The following PIK3C2A variants were observed in gnomAD, a reference collection of about 807,000 sequenced individuals.
The protein encoded by PIK3C2A is phosphatidylinositol 4-phosphate 3-kinase C2 domain-containing subunit alpha.
A neutral mutation model predicts 204.5 loss-of-function variants in PIK3C2A; 97 were observed. The observed-to-expected ratio is 0.47, with a 90% confidence interval of 0.40 to 0.56. The LOEUF (loss-of-function observed/expected upper bound fraction) is 0.56. PIK3C2A is among the 20% of genes least tolerant of loss of function. The probability of loss-of-function intolerance (pLI) is 0.00; values close to 1 mark genes in which losing one functional copy is unlikely to be tolerated. For synonymous variants in PIK3C2A, 653 were observed against 664.4 expected (o/e 0.98, Z 0.26); for missense variants, 1,735 against 1,969.2 (o/e 0.88, Z 2.25).
At chr11:17,092,089 A>G (rs1848327722) in intron 29 of PIK3C2A, 21 bp from the exon 30 acceptor site, 2 of 1,565,282 alleles carry the variant, frequency 1.3e-6, no homozygotes. Context: ...AGAGAAAGCA[A>G]TTCATTAGTT....
chr11:17,111,160 A>T (rs181779195), intron 21 of PIK3C2A, among the ~76,000 whole-genome samples: 2 of 152,186 alleles, frequency 1.3e-5, no homozygotes, highest in East Asian at 3.9e-4. Flanking sequence ...TGCCTGCCTC[A>T]GCCTCCCAAA....
At chr11:17,158,247 CTGAGGCAGGAGAATCACT>C (rs1850662200) in intron 2 of PIK3C2A, among the ~76,000 whole-genome samples, 1 of 151,762 alleles carries the variant, frequency 6.6e-6, no homozygotes, top group Admixed American at 6.6e-5. Context: ...ACTCGGGAGG[CTGAGGCAGGAGAATCACT>C]TGAACCCGGG....
intron 1 of PIK3C2A, among the ~76,000 whole-genome samples, chr11:17,172,546 A>G (rs1368986814): frequency 6.6e-6 from 1 of 152,240 alleles, no homozygotes; most frequent in Non-Finnish European, 1.5e-5. Context: ...TTTTGGAATG[A>G]TTCTGTTACA....
chr11:17,086,880 G>C lies in PIK3C2A; in HGVS notation c.*2858C>G, dbSNP rs1403132322. ...TAAATGTCACAATATTTGAATCCTAGAAAGAATAGGCAACTAATTTAAGGC... is the reference window on the plus strand; with the variant it reads ...TAAATGTCACAATATTTGAATCCTACAAAGAATAGGCAACTAATTTAAGGC... On this transcript the variant is annotated 3_prime_UTR_variant, in exon 33 of 33. Transcript: ENST00000691414. 1 of 152,036 alleles carries C rather than the reference G, an allele frequency of 6.6e-6. No individual in the cohort carries two copies. The highest frequency in any genetic ancestry group is 1.5e-5 in the Non-Finnish European group (1 of 67,994). The allele number at this position is 152,036 out of a possible 1,614,324, so 9.4% of individuals were successfully genotyped here.
intron 5 of PIK3C2A, 108 bp from the exon 6 acceptor site, chr11:17,147,736 C>A: frequency 1.6e-6 from 1 of 618,530 alleles, no homozygotes; most frequent in Non-Finnish European, 2.9e-6. Flanking sequence ...AATGGTGAAA[C>A]AGAGACAGTT....
intron 1 of PIK3C2A, among the ~76,000 whole-genome samples, chr11:17,180,523 A>AC (rs1222393530): frequency 6.2e-5 from 8 of 130,070 alleles, no homozygotes; most frequent in African/African-American, 2.3e-4. Flanking sequence ...AACAACAACA[A>AC]AAAACAAAAA....
At chr11:17,189,633 G>C (rs569021637) in intron 1 of PIK3C2A, among the ~76,000 whole-genome samples, 1 of 127,968 alleles carries the variant, frequency 7.8e-6, no homozygotes, top group South Asian at 2.1e-4. Flanking sequence ...CTACTACCAA[G>C]TTTCAGAATA....
chr11:17,129,414 A>C lies in PIK3C2A; in HGVS notation c.2285T>G (p.Leu762Arg). 6.2e-7 allele frequency: 1 copy of C among 1,611,116 alleles called. No individual in the cohort carries two copies. Among genetic ancestry groups the C allele is most frequent in the South Asian group, 1.1e-5 (1 of 91,002 alleles). The change falls in exon 13 of 33, where the codon CTT (leucine) becomes CGT (arginine). Residue 762 changes from leucine (L) to arginine (R), a missense_variant. This residue lies in a region of PIK3C2A where 567 missense variants were observed against 576.0 expected (regional missense o/e 0.98). Transcript: ENST00000691414. ...CTGATTTAAAATTCCAAAAAGAGTAAGGTGAAGAACTGATTCTAATGGCAA... is the reference window on the plus strand; with the variant it reads ...CTGATTTAAAATTCCAAAAAGAGTACGGTGAAGAACTGATTCTAATGGCAA... The part of the protein sequence containing the change: ...SQLPLESVLH[L>R]TLFGILNQSS...
Position 17,094,261 on chromosome 11 carries a change from C to T in PIK3C2A, c.4451G>A (p.Gly1484Asp), listed in dbSNP as rs1189749033. The change falls in exon 28 of 33, where the codon GGC (glycine) becomes GAC (aspartate). Residue 1484 changes from glycine (G) to aspartate (D), a missense_variant and splice_region_variant. Transcript: ENST00000691414. ...SIIFPLWKLP[G>D]FPNRMVLGRT... ...TTAATGTACAAGGATGAATACATAC[C>T]CTGGTAACTTCCAAAGTGGAAAAAT... 3.1e-6 allele frequency: 5 copies of T among 1,606,746 alleles called. No homozygotes were observed. The East Asian group carries it at 8.9e-5, about 29-fold the overall frequency.
chr11:17,184,020 T>C (rs186449922), intron 1 of PIK3C2A, among the ~76,000 whole-genome samples: 2 of 152,006 alleles, frequency 1.3e-5, no homozygotes, highest in Admixed American at 1.3e-4. Flanking sequence ...TTTGGGAGGC[T>C]GAAGTAGGAC....
chr11:17,118,436 T>C (rs953250887), intron 18 of PIK3C2A, among the ~76,000 whole-genome samples: 2 of 152,180 alleles, frequency 1.3e-5, no homozygotes, highest in African/African-American at 4.8e-5. Context: ...CATTCATTAT[T>C]ACAGAGCTAT....
intron 24 of PIK3C2A, among the ~76,000 whole-genome samples, chr11:17,101,882 C>G (rs899848046): frequency 6.6e-6 from 1 of 151,796 alleles, no homozygotes; most frequent in Non-Finnish European, 1.5e-5. Context: ...GGATTACAGG[C>G]GTGAGCCACT....
intron 4 of PIK3C2A, 100 bp from the exon 5 acceptor site, chr11:17,148,887 T>G: frequency 1.1e-6 from 1 of 909,684 alleles, no homozygotes. Flanking sequence ...AGAAATATAA[T>G]GTAGTCCACA....
chr11:17,195,739 T>C (rs1052118652), intron 1 of PIK3C2A, among the ~76,000 whole-genome samples: 1 of 120,802 alleles, frequency 8.3e-6, no homozygotes, highest in African/African-American at 2.8e-5. Context: ...CAAGACTCTA[T>C]TGCAAAAAAA....
At chr11:17,172,465 TGA>T (rs1851208952) in intron 1 of PIK3C2A, among the ~76,000 whole-genome samples, 1 of 152,130 alleles carries the variant, frequency 6.6e-6, no homozygotes, top group South Asian at 2.1e-4. Flanking sequence ...ACTCCATGAG[TGA>T]CTGAAGGTGA....
In PIK3C2A at chr11:17,100,916, T is replaced by C. The variant is rs80092718; in HGVS notation, c.4008+362A>G. 3.3e-5 allele frequency among the ~76,000 whole-genome samples: 5 copies of C among 152,324 alleles called. No homozygotes were observed. The East Asian group carries it at 7.7e-4, about 24-fold the overall frequency. On this transcript the variant is annotated intron_variant, in intron 25 of 32. Transcript: ENST00000691414. ...TAACGATAATATATACCCAGGAAAG[T>C]ACAGAAATCTTCATTGTACAGCTGA...
chr11:17,144,894 C>CAAAAAAAAAAA (rs35069519), intron 8 of PIK3C2A, among the ~76,000 whole-genome samples: 1 of 78,090 alleles, frequency 1.3e-5, no homozygotes, highest in Non-Finnish European at 2.4e-5. Context: ...GACTCAGCCT[C>CAAAAAAAAAAA]AAAAAAAAAA....
In PIK3C2A at chr11:17,105,194, T is replaced by C. The variant is rs748164018; in HGVS notation, c.3656A>G (p.Asn1219Ser). 1.4e-5 allele frequency: 22 copies of C among 1,611,204 alleles called. No individual in the cohort carries two copies. Among genetic ancestry groups the C allele is most frequent in the African/African-American group, 4.0e-5 (3 of 74,852 alleles). Residue 1219 changes from asparagine to serine, a missense_variant, in exon 23 of 33, where the codon AAT becomes AGT. Asn to Ser is a conservative substitution (Grantham distance 46). Coordinates refer to ENST00000691414, the MANE Select transcript of PIK3C2A (RefSeq NM_002645.4). Reference protein sequence around the residue: ...KPLAEWLRKYNPSEEEYEKAS... With the variant: ...KPLAEWLRKYSPSEEEYEKAS... ...CTTTTCATATTCTTCTTCAGAGGGA[T>C]TGTATTTCCTTAGCCACTCTGCAAG...
Position 17,094,248 on chromosome 11 carries a change from G to A in PIK3C2A, c.4451+13C>T. 2 of 1,595,650 alleles carry A rather than the reference G, an allele frequency of 1.3e-6. No homozygotes were observed. Among genetic ancestry groups the A allele is most frequent in the African/African-American group, 1.3e-5 (1 of 74,508 alleles). Reference sequence around the variant, plus strand: ...CCTACAAAAAGGATTAATGTACAAGGATGAATACATACCCTGGTAACTTCC... The same window carrying A: ...CCTACAAAAAGGATTAATGTACAAGAATGAATACATACCCTGGTAACTTCC... On this transcript the variant is annotated intron_variant, in intron 28 of 32. Coordinates refer to ENST00000691414, the MANE Select transcript of PIK3C2A (RefSeq NM_002645.4).
Sources: allele counts gnomAD v4.1 joint callset (sites outside exome capture counted in the v4.1 genomes callset), GRCh38; gene constraint gnomAD v4.1.1; regional missense constraint gnomAD v4.1.1; transcripts MANE v1.5; gene names NCBI Gene and HGNC (gene_info 2026-07-23, HGNC 2026-07-21).